The following FAT3 variants were observed in gnomAD, a reference collection of about 807,000 sequenced individuals.
FAT3 encodes FAT atypical cadherin 3, also known as protocadherin Fat 3.
In FAT3, 95 loss-of-function variants were observed where a neutral mutation model predicts 310.2. That is an observed-to-expected ratio of 0.31 (90% confidence interval 0.26 to 0.36). The LOEUF is 0.36. Among genes scored for constraint, FAT3 ranks in the 10% least tolerant of loss-of-function variants. The pLI is 1.00. For missense variants in FAT3, 5,408 were observed against 5,715.6 expected, an observed-to-expected ratio of 0.95 and a Z score of 1.74; for synonymous variants, 2,314 against 2,192.9, an observed-to-expected ratio of 1.06 and a Z score of -1.54.
intron 2 of FAT3, among the ~76,000 whole-genome samples, chr11:92,452,547 T>A (rs879619505): frequency 1.3e-5 from 2 of 152,098 alleles, no homozygotes; most frequent in Non-Finnish European, 2.9e-5. Context: ...AGAAGAAATT[T>A]CTGAAGCGCA....
At chr11:92,716,923 G>A (rs956236945) in intron 4 of FAT3, among the ~76,000 whole-genome samples, 2 of 152,192 alleles carry the variant, frequency 1.3e-5, no homozygotes, top group Non-Finnish European at 2.9e-5. Context: ...CCATATTGGT[G>A]GAAAGAGGCT....
intron 3 of FAT3, among the ~76,000 whole-genome samples, chr11:92,656,890 C>A (rs1277739592): frequency 1.3e-5 from 2 of 152,110 alleles, no homozygotes; most frequent in Admixed American, 1.3e-4. Flanking sequence ...TTACCACTTT[C>A]TCCTCTGCTT....
chr11:92,654,072 C>T (rs1330569722), intron 3 of FAT3, among the ~76,000 whole-genome samples: 1 of 152,094 alleles, frequency 6.6e-6, no homozygotes, highest in Non-Finnish European at 1.5e-5. Flanking sequence ...AACTATCTTT[C>T]TTTGCAAATA....
intron 1 of FAT3, among the ~76,000 whole-genome samples, chr11:92,226,907 G>T (rs1395295566): frequency 6.6e-6 from 1 of 152,060 alleles, no homozygotes; most frequent in Non-Finnish European, 1.5e-5. Context: ...CCCTCCTCCC[G>T]CTCCTCTCCG....
intron 1 of FAT3, among the ~76,000 whole-genome samples, chr11:92,250,319 A>T (rs189726939): frequency 6.6e-6 from 1 of 152,242 alleles, no homozygotes; most frequent in Admixed American, 6.5e-5. Flanking sequence ...TACAGACACA[A>T]ACTGGTATAT....
At chr11:92,872,442 A>G (rs534311801) in intron 22 of FAT3, among the ~76,000 whole-genome samples, 1 of 152,332 alleles carries the variant, frequency 6.6e-6, no homozygotes, top group South Asian at 2.1e-4. Flanking sequence ...CTCCCAGTAA[A>G]TATGCTGTGG....
At chr11:92,787,727 T>C (rs1000005156) in intron 7 of FAT3, among the ~76,000 whole-genome samples, 2 of 150,704 alleles carry the variant, frequency 1.3e-5, no homozygotes, top group African/African-American at 4.8e-5. Flanking sequence ...AACTACAAAA[T>C]AATATTAAAA....
intron 3 of FAT3, among the ~76,000 whole-genome samples, chr11:92,615,173 G>C (rs1940741059): frequency 6.6e-6 from 1 of 151,878 alleles, no homozygotes; most frequent in African/African-American, 2.4e-5. Flanking sequence ...AGATTGTTTG[G>C]GCTATTTTGT....
At chr11:92,335,816 G>C (rs1948056390) in intron 1 of FAT3, among the ~76,000 whole-genome samples, 1 of 152,292 alleles carries the variant, frequency 6.6e-6, no homozygotes, top group Non-Finnish European at 1.5e-5. Flanking sequence ...AATGGAATCA[G>C]TGGAGAAGGA....
chr11:92,421,270 T>C (rs1453280151), intron 2 of FAT3, among the ~76,000 whole-genome samples: 1 of 152,264 alleles, frequency 6.6e-6, no homozygotes, highest in Non-Finnish European at 1.5e-5. Flanking sequence ...TTCATATTGC[T>C]GAGAGCCTAA....
rs138222798 is a variant in FAT3 at position 92,848,482 on chromosome 11, G to A, written c.11365+3750G>A. ...GATGTGCAAGAGAAAGGGGTGTCAC[G>A]GCAGCCTATGGGGCCTTGTTGATTG... On this transcript the variant is annotated intron_variant, in intron 19 of 27. Transcript: ENST00000525166. Among the ~76,000 whole-genome samples the A allele has an allele frequency of 3.3e-3, 505 of 152,244 alleles. 3 individuals are homozygous for A. The highest frequency in any genetic ancestry group is 0.011 in the African/African-American group (464 of 41,550).
chr11:92,578,619 G>A (rs1417519143), intron 3 of FAT3, among the ~76,000 whole-genome samples: 1 of 152,106 alleles, frequency 6.6e-6, no homozygotes, highest in Non-Finnish European at 1.5e-5. Context: ...TTATTAAACA[G>A]TGCTATCTTC....
chr11:92,846,978 G>C (rs1948698077), intron 19 of FAT3, among the ~76,000 whole-genome samples: 1 of 152,306 alleles, frequency 6.6e-6, no homozygotes, highest in Admixed American at 6.5e-5. Flanking sequence ...TATAGATGTG[G>C]TAGCTTTGTG....
chr11:92,334,835 T>C (rs1391935551), intron 1 of FAT3, among the ~76,000 whole-genome samples: 1 of 152,140 alleles, frequency 6.6e-6, no homozygotes, highest in Non-Finnish European at 1.5e-5. Flanking sequence ...CTTCTATGGG[T>C]GAAGAGCTGA....
At chr11:92,349,778 CT>C (rs1451474035) in intron 1 of FAT3, among the ~76,000 whole-genome samples, 1 of 152,182 alleles carries the variant, frequency 6.6e-6, no homozygotes, top group Non-Finnish European at 1.5e-5. Context: ...CGCTTACTCC[CT>C]TTTTCAGCTT....
intron 3 of FAT3, among the ~76,000 whole-genome samples, chr11:92,606,973 GC>G (rs1484517359): frequency 6.6e-6 from 1 of 152,172 alleles, no homozygotes; most frequent in Non-Finnish European, 1.5e-5. Flanking sequence ...TTTCAGAGGA[GC>G]TTTAGTGCCT....
In FAT3 at chr11:92,442,615, C is replaced by T. The variant is rs561744417; in HGVS notation, c.3293-82019C>T. The stretch of plus-strand genomic sequence containing the variant: ...CAGACACCAAGAGTTTCCTTCAGAG[C>T]TGATGGCAAAGGGAATTCAGGTGTG... On this transcript the variant is annotated intron_variant, in intron 2 of 27. Coordinates refer to ENST00000525166, the MANE Select transcript of FAT3 (RefSeq NM_001367949.2). Among the ~76,000 whole-genome samples the T allele has an allele frequency of 8.5e-4, 129 of 152,234 alleles. 1 individual carries two copies. The highest frequency in any genetic ancestry group is 1.5e-3 in the Non-Finnish European group (103 of 68,020).
chr11:92,886,390 CG>C (rs1949798239), intron 24 of FAT3, among the ~76,000 whole-genome samples: 1 of 151,382 alleles, frequency 6.6e-6, no homozygotes. Flanking sequence ...TGTCTTTGTA[CG>C]GTAAAGAAGG....
intron 23 of FAT3, among the ~76,000 whole-genome samples, chr11:92,881,630 T>G (rs1949672918): frequency 6.6e-6 from 1 of 152,180 alleles, no homozygotes; most frequent in South Asian, 2.1e-4. Flanking sequence ...CAAATTAGGT[T>G]TCGTTTGGCT....
Sources: allele counts gnomAD v4.1 joint callset (sites outside exome capture counted in the v4.1 genomes callset), GRCh38; gene constraint gnomAD v4.1.1; transcripts MANE v1.5; gene names NCBI Gene and HGNC (gene_info 2026-07-23, HGNC 2026-07-21).